The following SLC17A1 variants were observed in gnomAD, a reference collection of about 807,000 sequenced individuals.
SLC17A1 encodes sodium-dependent phosphate transport protein 1.
In SLC17A1, 51 loss-of-function variants were observed where a neutral mutation model predicts 53.5. The ratio of observed to expected loss-of-function variants is 0.95; its 90% confidence interval spans 0.76 to 1.20. The LOEUF (loss-of-function observed/expected upper bound fraction) is 1.20, where lower values mean the gene tolerates loss of function less well. Among genes scored for constraint, SLC17A1 ranks in the 50% most tolerant of loss-of-function variants. The probability of loss-of-function intolerance (pLI) is 0.00; values close to 1 mark genes in which losing one functional copy is unlikely to be tolerated. For missense variants in SLC17A1, 538 were observed against 568.2 expected, an observed-to-expected ratio of 0.95 and a Z score of 0.54; for synonymous variants, 179 against 198.8, an observed-to-expected ratio of 0.90 and a Z score of 0.84.
the SLC17A1 span, among the ~76,000 whole-genome samples, chr6:25,746,787 T>C: frequency 6.6e-6 from 1 of 152,194 alleles, no homozygotes; most frequent in Non-Finnish European, 1.5e-5. Context: ...CAACCTTGCG[T>C]ATCCCCTTCT....
chr6:25,756,800 C>T, the SLC17A1 span, among the ~76,000 whole-genome samples: 1 of 152,120 alleles, frequency 6.6e-6, no homozygotes, highest in Non-Finnish European at 1.5e-5. Context: ...TTTACTGAAT[C>T]AATGAATGAA....
chr6:25,792,993 G>T (rs1408244876), intron 12 of SLC17A1, among the ~76,000 whole-genome samples: 1 of 152,194 alleles, frequency 6.6e-6, no homozygotes, highest in Admixed American at 6.5e-5. Flanking sequence ...GATCAGGAAA[G>T]TCACTCTTCT....
At chr6:25,789,482 G>A (rs1763455019) in intron 12 of SLC17A1, among the ~76,000 whole-genome samples, 1 of 152,022 alleles carries the variant, frequency 6.6e-6, no homozygotes, top group Non-Finnish European at 1.5e-5. Flanking sequence ...CAAACTACCT[G>A]TTGATTTCAA....
intron 10 of SLC17A1, among the ~76,000 whole-genome samples, chr6:25,809,078 T>A (rs1399703345): frequency 1.3e-5 from 2 of 151,956 alleles, no homozygotes; most frequent in African/African-American, 4.8e-5. Context: ...TAAAAAAGAA[T>A]GAAATCATGT....
the SLC17A1 span, among the ~76,000 whole-genome samples, chr6:25,740,343 T>C: frequency 6.6e-6 from 1 of 152,102 alleles, no homozygotes; most frequent in Non-Finnish European, 1.5e-5. Flanking sequence ...ACCAAACACC[T>C]GGATATTTAC....
At chr6:25,731,848 C>T in the SLC17A1 span, 2 of 1,602,758 alleles carry the variant, frequency 1.2e-6, no homozygotes, top group Admixed American at 1.7e-5. Flanking sequence ...TTGGCTAGTT[C>T]CCCAGGCAGC....
the SLC17A1 span, among the ~76,000 whole-genome samples, chr6:25,733,232 C>T: frequency 1.3e-5 from 2 of 152,062 alleles, no homozygotes; most frequent in African/African-American, 4.8e-5. Context: ...ATTGTGACAA[C>T]CTATGTAATT....
At chr6:25,726,780 T>C in the SLC17A1 span, 1 of 1,250,830 alleles carries the variant, frequency 8.0e-7, no homozygotes, top group African/African-American at 1.5e-5. Context: ...CAGTTCTGTT[T>C]GTTTACTTGG....
chr6:25,769,016 C>T, the SLC17A1 span: 7 of 1,614,062 alleles, frequency 4.3e-6, no homozygotes, highest in Non-Finnish European at 5.9e-6. Context: ...GGCTGGCCCT[C>T]ATCTTGCAGC....
intron 12 of SLC17A1, among the ~76,000 whole-genome samples, chr6:25,790,730 C>T (rs148634764): frequency 1.3e-5 from 2 of 152,110 alleles, no homozygotes; most frequent in Admixed American, 6.5e-5. Flanking sequence ...TAATTAAATG[C>T]CTATTTTAAA....
the SLC17A1 span, among the ~76,000 whole-genome samples, chr6:25,748,960 G>C: frequency 1.3e-5 from 2 of 152,266 alleles, no homozygotes; most frequent in Admixed American, 1.3e-4. Flanking sequence ...GTTTTGTACC[G>C]AGACATTCCA....
the SLC17A1 span, chr6:25,770,581 T>A: frequency 9.8e-7 from 1 of 1,018,862 alleles, no homozygotes; most frequent in Non-Finnish European, 1.5e-6. Flanking sequence ...TTCATAGTCC[T>A]TTCCTTAAAG....
chr6:25,727,007 G>A, the SLC17A1 span: 252 of 1,614,158 alleles, frequency 1.6e-4, 2 homozygotes, highest in South Asian at 2.6e-3. Flanking sequence ...AGCGCAAGAG[G>A]ACCCGTAAGG....
the SLC17A1 span, chr6:25,754,610 C>T: frequency 2.0e-5 from 3 of 151,962 alleles, no homozygotes. Context: ...ATCAATCAAA[C>T]AATAAAATGT....
At chr6:25,732,634 G>A in the SLC17A1 span, 4 of 1,215,320 alleles carry the variant, frequency 3.3e-6, no homozygotes, top group Middle Eastern at 3.1e-4. Context: ...GAGTTGGCGG[G>A]CAACGCCGTC....
At position 25,819,094 on chromosome 6, in the gene SLC17A1, C is replaced by G. The variant is rs2151499372; in HGVS notation, c.590G>C (p.Gly197Ala). ...AAAAATATAGAAGACCATGGGCCAG[C>G]CCAGAGATTCACAGATAACTCCAGT... The part of the protein sequence containing the change: ...LVTGVICESL[G>A]WPMVFYIFGA... Residue 197 changes from glycine (G) to alanine (A), a missense_variant, in exon 6 of 13, where the codon GGC (glycine) becomes GCC (alanine). Coordinates refer to ENST00000244527, the MANE Select transcript of SLC17A1 (RefSeq NM_005074.5). 1.9e-6 allele frequency: 3 copies of G among 1,609,336 alleles called. No individual in the cohort carries two copies. In the East Asian group the frequency reaches 6.7e-5, roughly 36 times the overall value.
chr6:25,777,747 C>A, the SLC17A1 span: 6 of 578,492 alleles, frequency 1.0e-5, no homozygotes, highest in Non-Finnish European at 1.9e-5. Flanking sequence ...ACATTTCATT[C>A]AGGTTTCACC....
chr6:25,765,127 G>A, the SLC17A1 span, among the ~76,000 whole-genome samples: 1 of 152,140 alleles, frequency 6.6e-6, no homozygotes, highest in East Asian at 1.9e-4. Flanking sequence ...AAGGCTGTAG[G>A]GGTGGACTAC....
chr6:25,758,212 T>C, the SLC17A1 span, among the ~76,000 whole-genome samples: 1 of 152,164 alleles, frequency 6.6e-6, no homozygotes, highest in Non-Finnish European at 1.5e-5. Context: ...CTGAATGACC[T>C]CCTTGCAGGC....
Sources: allele counts gnomAD v4.1 joint callset (sites outside exome capture counted in the v4.1 genomes callset), GRCh38; gene constraint gnomAD v4.1.1; transcripts MANE v1.5; gene names NCBI Gene and HGNC (gene_info 2026-07-23, HGNC 2026-07-21).